The following PIBF1 variants were observed in gnomAD, a reference collection of about 807,000 sequenced individuals.
PIBF1 encodes the protein progesterone-induced-blocking factor 1.
PIBF1 carries 90 observed loss-of-function variants against 112.5 expected under a neutral mutation model. The observed-to-expected ratio is 0.80, with a 90% CI of 0.67 to 0.95. PIBF1 has a LOEUF of 0.95. Among genes scored for constraint, PIBF1 ranks in the 40% least tolerant of loss-of-function variants. The pLI, the probability that PIBF1 is intolerant of heterozygous loss-of-function variation, is 0.00. For missense variants in PIBF1, 915 were observed against 852.3 expected, an observed-to-expected ratio of 1.07 and a Z score of -0.92; for synonymous variants, 301 against 288.6, an observed-to-expected ratio of 1.04 and a Z score of -0.44.
intron 12 of PIBF1, among the ~76,000 whole-genome samples, chr13:72,912,258 G>T (rs540154852): frequency 1.3e-5 from 2 of 152,014 alleles, no homozygotes; most frequent in South Asian, 4.2e-4. Context: ...ATAAAGTCTG[G>T]CAATCTGTTA....
chr13:72,964,838 G>C (rs1051912072), intron 14 of PIBF1, among the ~76,000 whole-genome samples: 2 of 152,104 alleles, frequency 1.3e-5, no homozygotes, highest in African/African-American at 4.8e-5. Context: ...TGAGGTGGGC[G>C]ATCACCTGAG....
intron 13 of PIBF1, among the ~76,000 whole-genome samples, chr13:72,929,772 C>G (rs1172596286): frequency 1.3e-5 from 2 of 152,128 alleles, no homozygotes; most frequent in Non-Finnish European, 1.5e-5. Context: ...CAACTCAAAT[C>G]ACTTTATAAA....
intron 3 of PIBF1, among the ~76,000 whole-genome samples, chr13:72,794,403 A>T (rs571952638): frequency 1.3e-5 from 2 of 152,242 alleles, no homozygotes; most frequent in East Asian, 1.9e-4. Context: ...TTGTTGTAAG[A>T]TTGAAATAAC....
chr13:73,006,211 G>A (rs146648455), intron 17 of PIBF1, among the ~76,000 whole-genome samples: 200 of 152,230 alleles, frequency 1.3e-3, no homozygotes, highest in African/African-American at 4.6e-3. Flanking sequence ...AAGCCACCAC[G>A]CCTGGCCCGG....
chr13:72,795,370 A>T lies in PIBF1; in HGVS notation c.365A>T (p.Glu122Val). The change falls in exon 4 of 18, where the codon GAA (glutamate) becomes GTA (valine). Residue 122 changes from glutamate to valine, a missense_variant. Glu to Val is a moderately radical substitution (Grantham distance 121, BLOSUM62 -2). Transcript: ENST00000326291. Reference protein sequence around the residue: ...FQQKDASKYQELMKQEMETIL... With the variant: ...FQQKDASKYQVLMKQEMETIL... ...CTCTTCTAATGTAGCAAATATCAAG[A>T]ATTAATGAAACAAGAAATGGAAACC... is the stretch of plus-strand genomic sequence containing the variant. 1 of 1,585,246 alleles carries T rather than the reference A, an allele frequency of 6.3e-7. No individual in the cohort carries two copies. The highest frequency in any genetic ancestry group is 8.6e-7 in the Non-Finnish European group (1 of 1,163,458).
At chr13:72,988,143 G>A (rs2043366609) in intron 16 of PIBF1, among the ~76,000 whole-genome samples, 2 of 151,932 alleles carry the variant, frequency 1.3e-5, no homozygotes, top group African/African-American at 4.8e-5. Context: ...TTACAGGCAT[G>A]AGCCACCGCA....
intron 14 of PIBF1, among the ~76,000 whole-genome samples, chr13:72,941,500 T>C (rs1171167277): frequency 1.3e-5 from 2 of 152,154 alleles, no homozygotes; most frequent in Non-Finnish European, 2.9e-5. Flanking sequence ...GATGACAAAA[T>C]AGACATGGTT....
At chr13:72,831,950 T>A (rs2037136387) in intron 8 of PIBF1, among the ~76,000 whole-genome samples, 1 of 152,154 alleles carries the variant, frequency 6.6e-6, no homozygotes, top group African/African-American at 2.4e-5. Flanking sequence ...GCATATATAT[T>A]TAGGATAGTT....
At chr13:72,993,201 T>C (rs1566527922) in intron 16 of PIBF1, among the ~76,000 whole-genome samples, 1 of 152,110 alleles carries the variant, frequency 6.6e-6, no homozygotes, top group Non-Finnish European at 1.5e-5. Context: ...GGTGCATGCC[T>C]GTAGACCCAG....
At chr13:72,812,182 T>C (rs1364364773) in intron 5 of PIBF1, among the ~76,000 whole-genome samples, 2 of 152,214 alleles carry the variant, frequency 1.3e-5, no homozygotes, top group Non-Finnish European at 2.9e-5. Flanking sequence ...GATACCATGA[T>C]AACTTCGTTC....
chr13:72,901,627 G>T (rs531503054), intron 11 of PIBF1, among the ~76,000 whole-genome samples: 1 of 152,150 alleles, frequency 6.6e-6, no homozygotes, highest in African/African-American at 2.4e-5. Context: ...AGAGGTTGCG[G>T]TGAGCAAAGA....
chr13:72,880,283 A>G (rs1207925853), intron 10 of PIBF1, among the ~76,000 whole-genome samples: 4 of 152,230 alleles, frequency 2.6e-5, no homozygotes, highest in African/African-American at 7.2e-5. Flanking sequence ...CCAATATTTT[A>G]AAGTATTAGA....
At chr13:72,845,135 C>G (rs1380360541) in intron 9 of PIBF1, among the ~76,000 whole-genome samples, 1 of 151,878 alleles carries the variant, frequency 6.6e-6, no homozygotes. Context: ...GCTCTCCCTC[C>G]CCTTGCCCCC....
At chr13:72,808,023 A>G (rs1470870969) in intron 5 of PIBF1, among the ~76,000 whole-genome samples, 1 of 152,104 alleles carries the variant, frequency 6.6e-6, no homozygotes. Flanking sequence ...CCTTTTCATT[A>G]CTGAGTGGTA....
At chr13:73,010,777 A>C (rs1021490208) in intron 17 of PIBF1, among the ~76,000 whole-genome samples, 3 of 146,324 alleles carry the variant, frequency 2.1e-5, no homozygotes, top group Non-Finnish European at 4.5e-5. Flanking sequence ...TTAACAACAA[A>C]TAAAAAGCTG....
Position 72,929,494 on chromosome 13 carries a change from G to A in PIBF1, c.1731-1671G>A, listed in dbSNP as rs116266453. Among the ~76,000 whole-genome samples, 1,003 of 152,184 alleles carry A rather than the reference G, an allele frequency of 6.6e-3. 15 individuals carry two copies. Among genetic ancestry groups the A allele is most frequent in the African/African-American group, 0.022 (904 of 41,532 alleles). ...GAGGAAGTTGGAATGTGGGGAGGAT[G>A]GAGAGTGACTGGTAATGGACACAGA... is the stretch of plus-strand genomic sequence containing the variant. On this transcript the variant is annotated intron_variant, in intron 13 of 17. Coordinates refer to ENST00000326291, the MANE Select transcript of PIBF1 (RefSeq NM_006346.4).
chr13:72,908,583 C>G lies in PIBF1; in HGVS notation c.1541C>G (p.Thr514Ser). 1 of 1,612,620 alleles carries G rather than the reference C, an allele frequency of 6.2e-7. No homozygotes were observed. Among genetic ancestry groups the G allele is most frequent in the Non-Finnish European group, 8.5e-7 (1 of 1,178,842 alleles). ...CAAGCCTCTTCTGAAAAACGCATTA[C>G]TGAACTTCAAGCACAGAACTCAGAG... ...SLQASSEKRI[T>S]ELQAQNSEHQ... Residue 514 changes from threonine (T) to serine (S), a missense_variant, in exon 12 of 18, where the codon ACT becomes AGT. Physicochemically the swap from Thr to Ser is moderately conservative, Grantham distance 58 (BLOSUM62 1). Transcript: ENST00000326291.
intron 14 of PIBF1, among the ~76,000 whole-genome samples, chr13:72,947,265 G>A (rs1036432938): frequency 3.9e-5 from 6 of 152,136 alleles, no homozygotes; most frequent in Non-Finnish European, 7.4e-5. Flanking sequence ...ACATTGGCCC[G>A]AGCTGTACAT....
At chr13:72,995,961 A>G (rs1050446159) in intron 16 of PIBF1, among the ~76,000 whole-genome samples, 8 of 147,754 alleles carry the variant, frequency 5.4e-5, no homozygotes, top group Non-Finnish European at 1.0e-4. Flanking sequence ...AAAAAAAAAG[A>G]AAAGAAAAAC....
Sources: allele counts gnomAD v4.1 joint callset (sites outside exome capture counted in the v4.1 genomes callset), GRCh38; gene constraint gnomAD v4.1.1; transcripts MANE v1.5; gene names NCBI Gene and HGNC (gene_info 2026-07-23, HGNC 2026-07-21).